Variants in ZNF503 observed in about 807,000 individuals in gnomAD.
The protein encoded by ZNF503 is NocA-like zinc finger 2.
ZNF503 carries 15 observed loss-of-function variants against 34.4 expected under a neutral mutation model. The ratio of observed to expected loss-of-function variants is 0.44; its 90% CI spans 0.29 to 0.67. The LOEUF is 0.67. ZNF503 is among the 30% of genes least tolerant of loss of function. The pLI is 0.13. For missense variants in ZNF503, 1,007 were observed against 926.8 expected (o/e 1.09, Z -1.12); for synonymous variants, 580 against 456.8 (o/e 1.27, Z -3.44).
rs751057510 is a variant in ZNF503 at position 75,399,617 on chromosome 10, G to T, written c.1073C>A (p.Thr358Asn). ...GGCCCCGGCCAGGCTGCCTGGGTAG[G>T]TCATACCCGCGGGAGGCAGAGGGAA... ...TVFPLPPAGM[T>N]YPGSLAGAYA... Residue 358 changes from threonine to asparagine, a missense_variant, in exon 2 of 2, where the codon ACC becomes AAC. Transcript: ENST00000372524. The T allele has an allele frequency of 1.9e-5, 30 of 1,598,372 alleles. No homozygotes were observed. The South Asian group carries it at 2.5e-4, about 13-fold the overall frequency.
the ZNF503 span, among the ~76,000 whole-genome samples, chr10:75,328,407 A>G: frequency 3.9e-5 from 6 of 152,138 alleles, no homozygotes; most frequent in Non-Finnish European, 8.8e-5. Flanking sequence ...GGCTGTAAAC[A>G]CATATATTTA....
At chr10:75,395,562 G>C (rs1387964240), downstream of ZNF503, among the ~76,000 whole-genome samples, 3 of 152,104 alleles carry the variant, frequency 2.0e-5, no homozygotes, top group Admixed American at 6.5e-5. The surrounding 1 kb of genome is among the most constrained non-coding windows in gnomAD (Gnocchi z 4.4). Context: ...GCGGCTGTTC[G>C]GGAAAAAGCT....
the ZNF503 span, among the ~76,000 whole-genome samples, chr10:75,325,294 A>C: frequency 6.6e-6 from 1 of 150,670 alleles, no homozygotes; most frequent in Non-Finnish European, 1.5e-5. Flanking sequence ...ACTGATCTAC[A>C]TGTCTATCTT....
At chr10:75,383,494 G>A in the ZNF503 span, among the ~76,000 whole-genome samples, 2 of 152,178 alleles carry the variant, frequency 1.3e-5, no homozygotes, top group Non-Finnish European at 2.9e-5. Flanking sequence ...CTTGGTGACT[G>A]CAATCTCTGC....
At chr10:75,299,560 T>C in the ZNF503 span, among the ~76,000 whole-genome samples, 88 of 152,314 alleles carry the variant, frequency 5.8e-4, no homozygotes, top group African/African-American at 2.0e-3. Flanking sequence ...TTATAAAACA[T>C]CCTTTGTCTC....
the ZNF503 span, among the ~76,000 whole-genome samples, chr10:75,300,187 A>T: frequency 3.9e-5 from 6 of 152,326 alleles, no homozygotes; most frequent in African/African-American, 1.4e-4. Context: ...TGAGAAAAAG[A>T]ATTCAGCGAT....
the ZNF503 span, among the ~76,000 whole-genome samples, chr10:75,281,356 G>A: frequency 6.6e-6 from 1 of 152,124 alleles, no homozygotes; most frequent in Non-Finnish European, 1.5e-5. Flanking sequence ...AATGAGCGAG[G>A]CAGCCAGGAG....
the ZNF503 span, among the ~76,000 whole-genome samples, chr10:75,327,036 A>G: frequency 3.5e-3 from 529 of 152,278 alleles, 4 homozygotes; most frequent in African/African-American, 0.012. Context: ...AAATCATGGT[A>G]ATTAGCATTC....
the ZNF503 span, among the ~76,000 whole-genome samples, chr10:75,371,807 G>T: frequency 1.3e-5 from 2 of 152,190 alleles, no homozygotes; most frequent in Non-Finnish European, 1.5e-5. Context: ...GCTCCTGGGA[G>T]ACCATGAATA....
downstream of ZNF503, among the ~76,000 whole-genome samples, chr10:75,395,522 C>G (rs369496186): frequency 1.3e-5 from 2 of 152,036 alleles, no homozygotes; most frequent in Non-Finnish European, 2.9e-5. The surrounding 1 kb of genome is among the most constrained non-coding windows in gnomAD (Gnocchi z 4.4). Context: ...CGCCCGGGCT[C>G]CAGCCGCCAG....
At chr10:75,299,403 A>G in the ZNF503 span, among the ~76,000 whole-genome samples, 2 of 152,110 alleles carry the variant, frequency 1.3e-5, no homozygotes, top group Admixed American at 1.3e-4. Flanking sequence ...TTACTGAGTG[A>G]GCTATTGAAC....
At chr10:75,310,354 T>C in the ZNF503 span, among the ~76,000 whole-genome samples, 1 of 152,204 alleles carries the variant, frequency 6.6e-6, no homozygotes, top group African/African-American at 2.4e-5. Flanking sequence ...CTAAAGAAGC[T>C]GGCAACTCAG....
At chr10:75,316,393 G>T in the ZNF503 span, among the ~76,000 whole-genome samples, 1 of 147,314 alleles carries the variant, frequency 6.8e-6, no homozygotes, top group Admixed American at 6.9e-5. Flanking sequence ...GTCTCACTCT[G>T]TCACCCAGGC....
the ZNF503 span, among the ~76,000 whole-genome samples, chr10:75,315,118 G>A: frequency 6.6e-6 from 1 of 152,176 alleles, no homozygotes; most frequent in Non-Finnish European, 1.5e-5. Context: ...CCAGCACTTT[G>A]AGAAGTCAAG....
the ZNF503 span, among the ~76,000 whole-genome samples, chr10:75,327,318 C>T: frequency 6.6e-6 from 1 of 151,756 alleles, no homozygotes; most frequent in Non-Finnish European, 1.5e-5. Flanking sequence ...GAAATCAACC[C>T]TTTTAGATTT....
chr10:75,303,312 T>C, the ZNF503 span, among the ~76,000 whole-genome samples: 1 of 152,178 alleles, frequency 6.6e-6, no homozygotes, highest in African/African-American at 2.4e-5. Flanking sequence ...GCCAGGTGTA[T>C]GTCACAATTT....
At chr10:75,311,237 T>C in the ZNF503 span, among the ~76,000 whole-genome samples, 1 of 152,186 alleles carries the variant, frequency 6.6e-6, no homozygotes, top group Non-Finnish European at 1.5e-5. Flanking sequence ...AGTCTACTTT[T>C]TCCACATTCT....
Position 75,398,598 on chromosome 10 carries a change from G to A in ZNF503, c.*151C>T. On this transcript the variant is annotated 3_prime_UTR_variant, in exon 2 of 2. Transcript: ENST00000372524. ...CACCGGGTCTCGGTCGCTGCTGTCGGGTAGATAGATACGGTATACATTTCT... is the reference window on the plus strand; with the variant it reads ...CACCGGGTCTCGGTCGCTGCTGTCGAGTAGATAGATACGGTATACATTTCT... 1 of 636,672 alleles carries A rather than the reference G, an allele frequency of 1.6e-6. No individual in the cohort carries two copies. Among genetic ancestry groups the A allele is most frequent in the Non-Finnish European group, 2.3e-6 (1 of 443,524 alleles). 39.4% of individuals were successfully genotyped at this position (636,672 alleles called of 1,614,324 possible).
the ZNF503 span, among the ~76,000 whole-genome samples, chr10:75,311,834 A>C: frequency 6.6e-6 from 1 of 152,024 alleles, no homozygotes; most frequent in African/African-American, 2.4e-5. Flanking sequence ...TCTCATCAGA[A>C]ACCATAGAAG....
Sources: allele counts gnomAD v4.1 joint callset (sites outside exome capture counted in the v4.1 genomes callset), GRCh38; gene constraint gnomAD v4.1.1; non-coding constraint Gnocchi (gnomAD v3.1); transcripts MANE v1.5; gene names NCBI Gene and HGNC (gene_info 2026-07-23, HGNC 2026-07-21).